TP73: variants seen among roughly 807,000 people sequenced by gnomAD.
TP73 encodes tumor protein p73, also known as p53-like transcription factor.
TP73 carries 25 observed loss-of-function variants against 62.5 expected under a neutral mutation model. That is an observed-to-expected ratio of 0.40 (90% CI 0.29 to 0.56). The LOEUF (loss-of-function observed/expected upper bound fraction) is 0.56, where lower values mean the gene tolerates loss of function less well. Ranked by LOEUF, TP73 falls within the 20% of genes least tolerant of loss-of-function variation. The pLI is 0.46. For synonymous variants in TP73, 423 were observed against 377.5 expected (o/e 1.12, Z -1.40); for missense variants, 754 against 913.3 (o/e 0.83, Z 2.25).
intron 1 of TP73, among the ~76,000 whole-genome samples, chr1:3,676,196 C>T (rs79343342): frequency 5.8e-4 from 79 of 135,844 alleles, no homozygotes; most frequent in East Asian, 5.2e-3. Context: ...GGAGCTAGGA[C>T]GGGGACAGAG....
rs542412593 is a variant in TP73 at position 3,662,843 on chromosome 1, G to A, written c.-34+10202G>A. ...CCCAGGACAGACCTGGCTGGGGAGC[G>A]CAGGGAGGGGTCCCCAGTGTGAGGA... On this transcript the variant is annotated intron_variant, in intron 1 of 13. Transcript: ENST00000378295. This position sits in a 1 kb window ranked among gnomAD's most constrained non-coding sequence, Gnocchi z 4.4. Among the ~76,000 whole-genome samples, 8 of 152,292 alleles carry A rather than the reference G, an allele frequency of 5.3e-5. No individual in the cohort carries two copies. Among genetic ancestry groups the A allele is most frequent in the East Asian group, 3.9e-4 (2 of 5,180 alleles).
chr1:3,716,039 G>A (rs1415103758), intron 4 of TP73, among the ~76,000 whole-genome samples: 1 of 152,202 alleles, frequency 6.6e-6, no homozygotes, highest in Non-Finnish European at 1.5e-5. Flanking sequence ...CATGGCTCAA[G>A]GTCGTGGTGG....
intron 1 of TP73, among the ~76,000 whole-genome samples, chr1:3,673,910 G>A (rs192246922): frequency 9.1e-4 from 139 of 152,272 alleles, no homozygotes; most frequent in African/African-American, 2.9e-3. Context: ...GATTGCAGCC[G>A]GGCCCGTGCC....
In TP73 at chr1:3,701,801, G is replaced by A. The variant is rs1456547829; in HGVS notation, c.187-5748G>A. Reference sequence around the variant, plus strand: ...TGGGATGACAGGCATGAGCCACCACGCCTGGCCAGTACATGTTGATTTCAT... The same window carrying A: ...TGGGATGACAGGCATGAGCCACCACACCTGGCCAGTACATGTTGATTTCAT... On this transcript the variant is annotated intron_variant, in intron 3 of 13. Coordinates refer to ENST00000378295, the MANE Select transcript of TP73 (RefSeq NM_005427.4). This position sits in a 1 kb window ranked among gnomAD's most constrained non-coding sequence, Gnocchi z 4.7. Among the ~76,000 whole-genome samples, 3 of 152,136 alleles carry A rather than the reference G, an allele frequency of 2.0e-5. No homozygotes were observed. The highest frequency in any genetic ancestry group is 7.2e-5 in the African/African-American group (3 of 41,430).
At chr1:3,702,865 C>T (rs1446308493) in intron 3 of TP73, among the ~76,000 whole-genome samples, 2 of 152,236 alleles carry the variant, frequency 1.3e-5, no homozygotes, top group Non-Finnish European at 2.9e-5. Context: ...CGGGTTCCTC[C>T]CCGTGGCTTC....
intron 4 of TP73, among the ~76,000 whole-genome samples, chr1:3,713,409 G>A (rs182036409): frequency 1.3e-4 from 20 of 152,304 alleles, no homozygotes; most frequent in Admixed American, 4.6e-4. Flanking sequence ...GGGGAGGGCC[G>A]TCCCAGGCTT....
chr1:3,713,488 G>A (rs568675437), intron 4 of TP73, among the ~76,000 whole-genome samples: 2 of 152,340 alleles, frequency 1.3e-5, no homozygotes, highest in East Asian at 3.9e-4. Context: ...TGTGGGACTC[G>A]GGGCAAGGTG....
chr1:3,701,649 T>C lies in TP73; in HGVS notation c.187-5900T>C, dbSNP rs562016626. Among the ~76,000 whole-genome samples, 22 of 151,994 alleles carry C rather than the reference T, an allele frequency of 1.4e-4. No individual in the cohort carries two copies. The highest frequency in any genetic ancestry group is 5.1e-4 in the African/African-American group (21 of 41,382). On this transcript the variant is annotated intron_variant, in intron 3 of 13. Transcript: ENST00000378295. This position sits in a 1 kb window ranked among gnomAD's most constrained non-coding sequence, Gnocchi z 4.7. ...CCTCCCAAGTAGCTGGGATTACAGG[T>C]GCCCACCACCACGCCCAGCTAATTT...
At chr1:3,698,497 A>G (rs998752946) in intron 3 of TP73, among the ~76,000 whole-genome samples, 1 of 152,144 alleles carries the variant, frequency 6.6e-6, no homozygotes, top group Non-Finnish European at 1.5e-5. Flanking sequence ...ACAACCTGGA[A>G]GGGAGGGGCT....
rs148394523 is a variant in TP73, at chr1:3,677,574, A to G, written c.-33-4759A>G. On this transcript the variant is annotated intron_variant, in intron 1 of 13. Coordinates refer to ENST00000378295, the MANE Select transcript of TP73 (RefSeq NM_005427.4). ...GGGGGTGCCGGCCAGCAGCTCCCCA[A>G]TGACCACCCCCAAATGCTGTGGCCA... Among the ~76,000 whole-genome samples, 848 of 152,142 alleles carry G rather than the reference A, an allele frequency of 5.6e-3. 6 individuals are homozygous for G. The highest frequency in any genetic ancestry group is 0.019 in the African/African-American group (786 of 41,494).
chr1:3,677,689 C>CTTTTTT (rs1215137164), intron 1 of TP73, among the ~76,000 whole-genome samples: 2 of 137,224 alleles, frequency 1.5e-5, no homozygotes, highest in Non-Finnish European at 3.2e-5. Flanking sequence ...TCCTTCCTTC[C>CTTTTTT]CTTTTTTTTT....
chr1:3,668,939 AG>A lies in TP73; in HGVS notation c.-33-13392del, dbSNP rs1645180417. 2.0e-5 allele frequency among the ~76,000 whole-genome samples: 3 copies of A among 152,308 alleles called. 1 individual carries two copies. The South Asian group carries it at 6.2e-4, about 32-fold the overall frequency. ...GCGTGCATGCCAGGTGGCAGGCGGC[AG>A]GTGCTGGCTCCAGGCCCGTCTCCAG... is the stretch of plus-strand genomic sequence containing the variant. On this transcript the variant is annotated intron_variant, in intron 1 of 13. Coordinates refer to ENST00000378295, the MANE Select transcript of TP73 (RefSeq NM_005427.4).
At chr1:3,674,061 A>G (rs953509025) in intron 1 of TP73, among the ~76,000 whole-genome samples, 1 of 152,114 alleles carries the variant, frequency 6.6e-6, no homozygotes. Flanking sequence ...GTGTGGCCTC[A>G]CTGGGCCGTC....
chr1:3,671,685 G>A (rs1279553677), intron 1 of TP73, among the ~76,000 whole-genome samples: 2 of 152,220 alleles, frequency 1.3e-5, no homozygotes, highest in African/African-American at 4.8e-5. Context: ...GGAACACCTG[G>A]GGACTTCCCG....
intron 3 of TP73, among the ~76,000 whole-genome samples, chr1:3,691,236 G>A (rs944603507): frequency 6.6e-6 from 1 of 152,146 alleles, no homozygotes; most frequent in Non-Finnish European, 1.5e-5. Flanking sequence ...TTTCTGCCTC[G>A]TGCTCGGGGG....
chr1:3,687,554 C>A (rs1645693139), intron 3 of TP73, among the ~76,000 whole-genome samples: 1 of 148,724 alleles, frequency 6.7e-6, no homozygotes, highest in African/African-American at 2.5e-5. Flanking sequence ...TCCCCTCGGA[C>A]AAAACCAGCG....
intron 1 of TP73, among the ~76,000 whole-genome samples, chr1:3,654,849 G>A (rs748776785): frequency 1.3e-5 from 2 of 152,238 alleles, no homozygotes; most frequent in Non-Finnish European, 2.9e-5. Flanking sequence ...TTTATTTATA[G>A]GGCATGCCCC....
intron 3 of TP73, among the ~76,000 whole-genome samples, chr1:3,689,142 C>G (rs1199358657): frequency 6.6e-6 from 1 of 152,124 alleles, no homozygotes; most frequent in Admixed American, 6.5e-5. Context: ...GCACCCTCAT[C>G]CCCAGGGCAT....
At chr1:3,714,534 T>A (rs941052561) in intron 4 of TP73, among the ~76,000 whole-genome samples, 1 of 152,230 alleles carries the variant, frequency 6.6e-6, no homozygotes, top group African/African-American at 2.4e-5. Context: ...GCAGGCCTGT[T>A]GCCAGCCTGC....
Sources: allele counts gnomAD v4.1 joint callset (sites outside exome capture counted in the v4.1 genomes callset), GRCh38; gene constraint gnomAD v4.1.1; non-coding constraint Gnocchi (gnomAD v3.1); transcripts MANE v1.5; gene names NCBI Gene and HGNC (gene_info 2026-07-23, HGNC 2026-07-21).